USP48: variants seen among roughly 807,000 people sequenced by gnomAD.
USP48 encodes ubiquitin specific peptidase 48.
A neutral mutation model predicts 150.7 loss-of-function variants in USP48; 43 were observed. That is an observed-to-expected ratio of 0.29 (90% CI 0.22 to 0.37). USP48 has a LOEUF of 0.37. Ranked by LOEUF, USP48 falls within the 10% of genes least tolerant of loss-of-function variation. The probability of loss-of-function intolerance (pLI) is 1.00; values close to 1 mark genes in which losing one functional copy is unlikely to be tolerated. For missense variants in USP48, 813 were observed against 1,249.6 expected, an observed-to-expected ratio of 0.65 and a Z score of 5.27; for synonymous variants, 396 against 425.9, an observed-to-expected ratio of 0.93 and a Z score of 0.86.
At chr1:21,690,792 G>A (rs1346182081) in intron 23 of USP48, among the ~76,000 whole-genome samples, 2 of 152,098 alleles carry the variant, frequency 1.3e-5, no homozygotes, top group East Asian at 3.9e-4. Flanking sequence ...GCCTCCCGAA[G>A]TGCAGAGATT....
intron 14 of USP48, among the ~76,000 whole-genome samples, chr1:21,719,064 C>G (rs1281049348): frequency 6.6e-6 from 1 of 151,044 alleles, no homozygotes; most frequent in Non-Finnish European, 1.5e-5. Flanking sequence ...CTCAGGAGTT[C>G]AAGACCAGCT....
In USP48 at chr1:21,695,126, A is replaced by T; in HGVS notation, c.2823T>A (p.Val941=). 1 of 1,613,748 alleles carries T rather than the reference A, an allele frequency of 6.2e-7. No individual in the cohort carries two copies. The highest frequency in any genetic ancestry group is 8.5e-7 in the Non-Finnish European group (1 of 1,179,896). The stretch of plus-strand genomic sequence containing the variant: ...AAACGAGAAGTGCTTTCTCACCACG[A>T]ACTTTTCTATGTCGCATACTTCGGC... ...VIRRSMRHRK[V]RGEKALLVSA... is the part of the protein sequence containing the mutation. Residue 941 remains valine, a synonymous_variant, in exon 23 of 27, where the codon GTT becomes GTA. Coordinates refer to ENST00000308271, the MANE Select transcript of USP48 (RefSeq NM_032236.8).
At chr1:21,763,161 G>A (rs1052542535) in intron 1 of USP48, among the ~76,000 whole-genome samples, 3 of 152,178 alleles carry the variant, frequency 2.0e-5, no homozygotes, top group African/African-American at 7.2e-5. Flanking sequence ...GAGAAGCTGG[G>A]AGCAATCTGT....
chr1:21,708,780 G>A (rs772346844), intron 15 of USP48, among the ~76,000 whole-genome samples: 1 of 149,012 alleles, frequency 6.7e-6, no homozygotes, highest in African/African-American at 2.5e-5. Context: ...AGCTACATGG[G>A]AGGCTGAGGC....
intron 14 of USP48, among the ~76,000 whole-genome samples, chr1:21,718,270 G>T (rs1456464124): frequency 6.7e-6 from 1 of 150,332 alleles, no homozygotes; most frequent in Admixed American, 6.6e-5. Flanking sequence ...CAATAAAAAG[G>T]GCTGTATGTT....
chr1:21,738,885 G>T (rs1334281814), intron 8 of USP48, among the ~76,000 whole-genome samples: 1 of 152,124 alleles, frequency 6.6e-6, no homozygotes, highest in Non-Finnish European at 1.5e-5. Flanking sequence ...CATAGATGGG[G>T]AAACAGTAAT....
At chr1:21,690,583 G>A (rs1203191706) in intron 23 of USP48, among the ~76,000 whole-genome samples, 1 of 152,004 alleles carries the variant, frequency 6.6e-6, no homozygotes, top group East Asian at 1.9e-4. Context: ...GAGTGCAGTG[G>A]CGCGATCATG....
intron 25 of USP48, among the ~76,000 whole-genome samples, chr1:21,685,329 C>CTTTTT (rs555922788): frequency 7.3e-6 from 1 of 136,388 alleles, no homozygotes; most frequent in Non-Finnish European, 1.6e-5. Flanking sequence ...GCTTTCTTTT[C>CTTTTT]TTTTTTTTTT....
At chr1:21,742,584 AAAAG>A (rs1334816260) in intron 8 of USP48, among the ~76,000 whole-genome samples, 2 of 147,456 alleles carry the variant, frequency 1.4e-5, no homozygotes, top group African/African-American at 2.6e-5. Flanking sequence ...AAAGAAAAAG[AAAAG>A]AAAAGAAAAG....
chr1:21,680,927 A>T, intron 25 of USP48, 93 bp from the exon 26 acceptor site: 1 of 923,510 alleles, frequency 1.1e-6, no homozygotes. Context: ...AAAGTTTAAA[A>T]TAACTTTTGA....
intron 24 of USP48, 73 bp downstream of exon 24, chr1:21,689,901 T>C: frequency 6.4e-7 from 1 of 1,567,034 alleles, no homozygotes; most frequent in African/African-American, 1.4e-5. Context: ...TTAACCACCA[T>C]TTCACACAGT....
At chr1:21,770,642 G>T (rs970673771) in intron 1 of USP48, among the ~76,000 whole-genome samples, 1 of 151,238 alleles carries the variant, frequency 6.6e-6, no homozygotes, top group Non-Finnish European at 1.5e-5. Flanking sequence ...CACCATGCTC[G>T]GCTAATTTTT....
chr1:21,698,748 A>G (rs1367223159), intron 22 of USP48, among the ~76,000 whole-genome samples: 1 of 152,044 alleles, frequency 6.6e-6, no homozygotes, highest in Admixed American at 6.6e-5. Context: ...ACAAAAAATT[A>G]GCTGGGCGTG....
chr1:21,715,449 T>C lies in USP48; in HGVS notation c.1903A>G (p.Lys635Glu). Reference protein sequence around the residue: ...NGSTLNKDESKEERKEEEELN... With the variant: ...NGSTLNKDESEEERKEEEELN... ...TCCTCCTCTTCTTTTCTTTCTTCCT[T>C]TGATTCATCTAATCAAAAGAAATAC... Residue 635 changes from lysine (K) to glutamate (E), a missense_variant, in exon 15 of 27, where the codon AAG (lysine) becomes GAG (glutamate). By Grantham distance (56) the Lys-to-Glu change is moderately conservative. Transcript: ENST00000308271. 6.4e-7 allele frequency: 1 copy of C among 1,572,158 alleles called. No homozygotes were observed. The highest frequency in any genetic ancestry group is 8.7e-7 in the Non-Finnish European group (1 of 1,143,704).
intron 8 of USP48, among the ~76,000 whole-genome samples, chr1:21,740,191 A>C (rs2097778307): frequency 6.6e-6 from 1 of 152,228 alleles, no homozygotes; most frequent in African/African-American, 2.4e-5. Context: ...GATTACAGGC[A>C]TGAGCCACTG....
chr1:21,714,361 A>T (rs1220246349), intron 15 of USP48, among the ~76,000 whole-genome samples: 6 of 152,086 alleles, frequency 3.9e-5, no homozygotes. Flanking sequence ...CTCTAGCCTC[A>T]AACTCCTGGG....
intron 22 of USP48, among the ~76,000 whole-genome samples, chr1:21,696,237 G>A (rs995431046): frequency 4.6e-5 from 7 of 152,006 alleles, no homozygotes; most frequent in Non-Finnish European, 1.0e-4. Flanking sequence ...TCAGGAGTTC[G>A]AGACCAGCCT....
chr1:21,737,132 GTCCAAGGGCACAAACT>G (rs2097770464), intron 8 of USP48, among the ~76,000 whole-genome samples: 1 of 152,180 alleles, frequency 6.6e-6, no homozygotes, highest in Non-Finnish European at 1.5e-5. Flanking sequence ...GTAGGCATTT[GTCCAAGGGCACAAACT>G]TTGATCTGGA....
At chr1:21,683,166 A>T (rs2097571348) in intron 25 of USP48, among the ~76,000 whole-genome samples, 1 of 152,176 alleles carries the variant, frequency 6.6e-6, no homozygotes, top group Admixed American at 6.5e-5. Context: ...CAGGAGGCTG[A>T]GCCAGGAGAA....
Sources: gnomAD v4.1 joint callset for allele counts (sites outside exome capture counted in the v4.1 genomes callset) on GRCh38, gnomAD v4.1.1 for gene constraint, MANE v1.5 for transcripts, NCBI Gene and HGNC (gene_info 2026-07-23, HGNC 2026-07-21) for gene names.